INTS2: variants seen among roughly 807,000 people sequenced by gnomAD.
INTS2 encodes the protein KIAA1287.
A neutral mutation model predicts 139.6 loss-of-function variants in INTS2; 57 were observed. The observed-to-expected ratio is 0.41, with a 90% CI of 0.33 to 0.51. INTS2 has a LOEUF of 0.51. Ranked by LOEUF, INTS2 falls within the 20% of genes least tolerant of loss-of-function variation. The pLI, the probability that INTS2 is intolerant of heterozygous loss-of-function variation, is 0.28. For missense variants in INTS2, 1,196 were observed against 1,436.7 expected (o/e 0.83, Z 2.71); for synonymous variants, 473 against 493.4 (o/e 0.96, Z 0.55).
chr17:61,919,770 C>T (rs999169517), intron 4 of INTS2, among the ~76,000 whole-genome samples: 5 of 151,852 alleles, frequency 3.3e-5, no homozygotes, highest in African/African-American at 1.2e-4. Context: ...GCTTTGTTGC[C>T]CAGGCTACAG....
chr17:61,921,277 T>C (rs939035943), intron 4 of INTS2: 1 of 152,274 alleles, frequency 6.6e-6, no homozygotes, highest in Non-Finnish European at 1.5e-5. Context: ...AGTCCAGGAA[T>C]TCAAGCCAGT....
intron 16 of INTS2, among the ~76,000 whole-genome samples, chr17:61,883,528 T>C (rs1172773482): frequency 6.6e-6 from 1 of 151,624 alleles, no homozygotes; most frequent in African/African-American, 2.4e-5. Flanking sequence ...CTGACGTGGG[T>C]GGATCACCTG....
At chr17:61,885,122 C>A (rs927761738) in intron 15 of INTS2, 117 bp from the exon 16 acceptor site, 9 of 662,720 alleles carry the variant, frequency 1.4e-5, no homozygotes, top group Admixed American at 2.8e-5. Context: ...AATTAACCTG[C>A]GAATATAGCA....
chr17:61,889,089 T>C (rs2079262123), intron 15 of INTS2, among the ~76,000 whole-genome samples: 1 of 145,712 alleles, frequency 6.9e-6, no homozygotes, highest in Non-Finnish European at 1.5e-5. Flanking sequence ...GAAACTCTTC[T>C]ACTTTTTTTT....
rs747209985 is a variant in INTS2, at chr17:61,882,971, T to C, written c.2090-1800A>G. Among the ~76,000 whole-genome samples the C allele has an allele frequency of 3.3e-4, 51 of 152,246 alleles. No homozygotes were observed. Among genetic ancestry groups the C allele is most frequent in the Non-Finnish European group, 5.9e-4 (40 of 68,024 alleles). On this transcript the variant is annotated intron_variant, in intron 16 of 24. Coordinates refer to ENST00000251334, the MANE Select transcript of INTS2 (RefSeq NM_001351695.2). This position sits in a 1 kb window ranked among gnomAD's most constrained non-coding sequence, Gnocchi z 4.7. ...CAGTAGAAACAATACGCAATTCCGT[T>C]CTCATAGAAACAGCTTAAAATTGAT...
In INTS2 at chr17:61,897,391, C is replaced by G; in HGVS notation, c.1494+78G>C. On this transcript the variant is annotated intron_variant, in intron 11 of 24. Transcript: ENST00000251334. This position sits in a 1 kb window ranked among gnomAD's most constrained non-coding sequence, Gnocchi z 4.4. ...ACAATTAAAATTACTTAAATGAAAACAATCTATTTACACTACAACAAAATG... is the reference window on the plus strand; with the variant it reads ...ACAATTAAAATTACTTAAATGAAAAGAATCTATTTACACTACAACAAAATG... The G allele has an allele frequency of 1.3e-6, 1 of 770,722 alleles. No individual in the cohort carries two copies. The highest frequency in any genetic ancestry group is 2.0e-6 in the Non-Finnish European group (1 of 496,760). 47.7% of individuals were successfully genotyped at this position (770,722 alleles called of 1,614,324 possible).
chr17:61,888,113 G>C (rs1281703933), intron 15 of INTS2, among the ~76,000 whole-genome samples: 3 of 151,750 alleles, frequency 2.0e-5, no homozygotes, highest in African/African-American at 7.3e-5. Flanking sequence ...ACTCACACCT[G>C]TAATCCCAGC....
intron 12 of INTS2, 72 bp downstream of exon 12, chr17:61,895,243 G>C: frequency 1.3e-6 from 1 of 781,898 alleles, no homozygotes; most frequent in Non-Finnish European, 2.1e-6. Context: ...CTTAAGGTAA[G>C]ACACACAAGT....
intron 15 of INTS2, chr17:61,885,223 T>G (rs9890276): frequency 1.9e-6 from 1 of 540,208 alleles, no homozygotes; most frequent in African/African-American, 1.9e-5. Context: ...TGTCCTGAAA[T>G]TTAAAACTAG....
At chr17:61,916,436 A>G (rs1262812502) in intron 5 of INTS2, among the ~76,000 whole-genome samples, 2 of 152,180 alleles carry the variant, frequency 1.3e-5, no homozygotes, top group African/African-American at 4.8e-5. Context: ...AAATTAATAA[A>G]TAAAAATAAA....
intron 5 of INTS2, among the ~76,000 whole-genome samples, chr17:61,915,656 A>T (rs1305089530): frequency 7.1e-4 from 10 of 14,102 alleles, no homozygotes; most frequent in East Asian, 2.7e-3. Context: ...GTCTCTAATT[A>T]AAAAAAAAAA....
intron 8 of INTS2, among the ~76,000 whole-genome samples, chr17:61,905,529 C>A (rs2079453002): frequency 1.3e-5 from 2 of 152,084 alleles, no homozygotes; most frequent in South Asian, 4.1e-4. Flanking sequence ...GTTTCACCAT[C>A]TTGAATAGGT....
Position 61,867,772 on chromosome 17 carries a change from AGG to A in INTS2, c.3422-48_3422-47del. ...AACATTAAGGCCAAGAAATTTGGAAAGGAATTTGGCCTTTTTGTTTGAGATAT... is the reference window on the plus strand; with the variant it reads ...AACATTAAGGCCAAGAAATTTGGAAAAATTTGGCCTTTTTGTTTGAGATAT... On this transcript the variant is annotated intron_variant, in intron 24 of 24. Transcript: ENST00000251334. This position sits in a 1 kb window ranked among gnomAD's most constrained non-coding sequence, Gnocchi z 5.6. 6.4e-7 allele frequency: 1 copy of A among 1,561,610 alleles called. No homozygotes were observed. The highest frequency in any genetic ancestry group is 1.2e-5 in the South Asian group (1 of 83,410).
chr17:61,877,841 C>T, intron 18 of INTS2, 46 bp downstream of exon 18: 7 of 1,453,710 alleles, frequency 4.8e-6, no homozygotes, highest in Non-Finnish European at 5.8e-6. Flanking sequence ...GTATATTATC[C>T]CTGCTATATA....
intron 8 of INTS2, among the ~76,000 whole-genome samples, chr17:61,906,963 C>CAAGAAA (rs2079471293): frequency 2.5e-5 from 2 of 80,206 alleles, no homozygotes; most frequent in Non-Finnish European, 4.7e-5. Context: ...GATTCCATCT[C>CAAGAAA]AAAAAAAAAA....
intron 9 of INTS2, among the ~76,000 whole-genome samples, chr17:61,901,757 A>T (rs1015083100): frequency 6.6e-6 from 1 of 151,540 alleles, no homozygotes; most frequent in Non-Finnish European, 1.5e-5. Context: ...TGACCGGCTA[A>T]TATTTTTTTG....
At chr17:61,914,816 G>A (rs995332740) in intron 5 of INTS2, among the ~76,000 whole-genome samples, 1 of 151,364 alleles carries the variant, frequency 6.6e-6, no homozygotes, top group Non-Finnish European at 1.5e-5. Context: ...CAATGCTGCA[G>A]TGAATCATGA....
In INTS2 at chr17:61,871,152, G is replaced by A. The variant is rs1040197175; in HGVS notation, c.2778+1113C>T. On this transcript the variant is annotated intron_variant, in intron 20 of 24. Coordinates refer to ENST00000251334, the MANE Select transcript of INTS2 (RefSeq NM_001351695.2). This position sits in a 1 kb window ranked among gnomAD's most constrained non-coding sequence, Gnocchi z 4.9. Reference sequence around the variant, plus strand: ...GTTGTTGTTGTTGAGATGGAGTCTCGCTCTGTCGCCCAGGCTGTAGTGCAG... The same window carrying A: ...GTTGTTGTTGTTGAGATGGAGTCTCACTCTGTCGCCCAGGCTGTAGTGCAG... Among the ~76,000 whole-genome samples the A allele has an allele frequency of 2.6e-5, 4 of 151,988 alleles. No individual in the cohort carries two copies. The highest frequency in any genetic ancestry group is 7.3e-5 in the African/African-American group (3 of 41,368).
At chr17:61,918,923 GTT>G (rs561665201) in intron 5 of INTS2, among the ~76,000 whole-genome samples, 99 of 130,992 alleles carry the variant, frequency 7.6e-4, no homozygotes, top group African/African-American at 2.0e-3. Context: ...GTTCCTTGGG[GTT>G]TTTTTTTTTT....
Sources: allele counts gnomAD v4.1 joint callset (sites outside exome capture counted in the v4.1 genomes callset), GRCh38; gene constraint gnomAD v4.1.1; non-coding constraint Gnocchi (gnomAD v3.1); transcripts MANE v1.5; gene names NCBI Gene and HGNC (gene_info 2026-07-23, HGNC 2026-07-21).